Variants in CTNNA3 observed in about 807,000 individuals in gnomAD.
CTNNA3 encodes catenin alpha-3.
CTNNA3 carries 76 observed loss-of-function variants against 95.7 expected under a neutral mutation model. That is an observed-to-expected ratio of 0.79 (90% CI 0.66 to 0.96). The LOEUF is 0.96. Among genes scored for constraint, CTNNA3 ranks in the 40% least tolerant of loss-of-function variants. The probability of loss-of-function intolerance (pLI) is 0.00; values close to 1 mark genes in which losing one functional copy is unlikely to be tolerated. For missense variants in CTNNA3, 1,191 were observed against 1,089.8 expected, an observed-to-expected ratio of 1.09 and a Z score of -1.31; for synonymous variants, 431 against 374.4, an observed-to-expected ratio of 1.15 and a Z score of -1.74.
At chr10:67,332,864 T>C (rs1030000942) in intron 5 of CTNNA3, among the ~76,000 whole-genome samples, 1 of 152,164 alleles carries the variant, frequency 6.6e-6, no homozygotes, top group African/African-American at 2.4e-5. Context: ...TTCCTACCTG[T>C]AATTTAATTT....
chr10:66,912,397 G>C (rs890539241), intron 7 of CTNNA3, among the ~76,000 whole-genome samples: 3 of 151,752 alleles, frequency 2.0e-5, no homozygotes, highest in African/African-American at 7.3e-5. Flanking sequence ...ATACCAATAG[G>C]GTATAGTTTG....
At chr10:66,686,508 A>T (rs562622489) in intron 9 of CTNNA3, among the ~76,000 whole-genome samples, 2 of 152,278 alleles carry the variant, frequency 1.3e-5, no homozygotes, top group Admixed American at 1.3e-4. Context: ...GCAATAAATA[A>T]ATAAGAAGCT....
chr10:67,755,802 C>CAAA lies in CTNNA3; in HGVS notation c.-2+7629_-2+7631dup, dbSNP rs201336788. 2.1e-3 allele frequency among the ~76,000 whole-genome samples: 121 copies of CAAA among 58,670 alleles called. 2 individuals are homozygous for CAAA. Among genetic ancestry groups the CAAA allele is most frequent in the African/African-American group, 4.9e-3 (84 of 16,972 alleles). The allele number at this position is 58,670 out of a possible 152,430, so 38.5% of individuals were successfully genotyped here. A position where few individuals can be genotyped will look rare whatever the true frequency, so the allele number is the denominator to read the frequency against. On this transcript the variant is annotated intron_variant, in intron 1 of 17. Transcript: ENST00000684154. ...GGGCGACAAAAGTGAGTCTCTGCCT[C>CAAA]AAAAAAAAAAAAAAAAAAAAGAAAG...
chr10:66,423,677 A>G (rs992895659), intron 11 of CTNNA3, among the ~76,000 whole-genome samples: 5 of 152,130 alleles, frequency 3.3e-5, no homozygotes, highest in Admixed American at 1.3e-4. Flanking sequence ...CAACCCCACA[A>G]TAAACTTCTC....
At chr10:67,654,920 C>A (rs974401998) in intron 1 of CTNNA3, among the ~76,000 whole-genome samples, 4 of 152,088 alleles carry the variant, frequency 2.6e-5, no homozygotes, top group Admixed American at 6.6e-5. Flanking sequence ...ATTCAAAATT[C>A]CATTCATGAG....
At chr10:67,234,139 G>C (rs866659299) in intron 5 of CTNNA3, among the ~76,000 whole-genome samples, 44 of 152,282 alleles carry the variant, frequency 2.9e-4, no homozygotes, top group Middle Eastern at 3.4e-3. Flanking sequence ...TAGAAAAAGA[G>C]GGAATCCTCC....
chr10:67,745,636 T>A (rs2131743780), intron 1 of CTNNA3, among the ~76,000 whole-genome samples: 1 of 152,030 alleles, frequency 6.6e-6, no homozygotes, highest in African/African-American at 2.4e-5. Context: ...GCTGTGCACA[T>A]ATACCCTAAA....
At chr10:67,562,031 T>G (rs912157272) in intron 3 of CTNNA3, among the ~76,000 whole-genome samples, 1 of 152,148 alleles carries the variant, frequency 6.6e-6, no homozygotes. Context: ...CAGGACCAGA[T>G]GGATTCACAG....
rs1467888389 is a variant in CTNNA3 at position 66,612,816 on chromosome 10, G to T, written c.1374+8876C>A. On this transcript the variant is annotated intron_variant, in intron 10 of 17. Transcript: ENST00000433211. ...GTATTTTCCCAAATGTGCAAATCTT[G>T]CTTCTCCTTTAAGGCCCATGGAAAA... Among the ~76,000 whole-genome samples, 5 of 152,050 alleles carry T rather than the reference G, an allele frequency of 3.3e-5. No homozygotes were observed. In the East Asian group the frequency reaches 9.7e-4, roughly 29 times the overall value.
rs1465567861 is a variant in CTNNA3 at position 66,866,120 on chromosome 10, G to C, written c.1048-90596C>G. On this transcript the variant is annotated intron_variant, in intron 7 of 17. Coordinates refer to ENST00000433211, the MANE Select transcript of CTNNA3 (RefSeq NM_013266.4). The stretch of plus-strand genomic sequence containing the variant: ...TGAGAAAATGATGTCCTGGGAATTT[G>C]ACTGACTTCACATAGTCACAAAGCT... 8.1e-4 allele frequency among the ~76,000 whole-genome samples: 123 copies of C among 152,122 alleles called. 1 individual carries two copies. Among genetic ancestry groups the C allele is most frequent in the Non-Finnish European group, 4.4e-5 (3 of 68,030 alleles).
chr10:66,387,545 C>T (rs2092902882), intron 11 of CTNNA3, among the ~76,000 whole-genome samples: 1 of 152,058 alleles, frequency 6.6e-6, no homozygotes, highest in Admixed American at 6.6e-5. Flanking sequence ...GGCGATTCCT[C>T]AAGGATCTAG....
At chr10:66,450,786 C>A (rs1377318641) in intron 11 of CTNNA3, among the ~76,000 whole-genome samples, 2 of 152,200 alleles carry the variant, frequency 1.3e-5, no homozygotes, top group East Asian at 3.9e-4. Flanking sequence ...ATTATTTCTT[C>A]TTTTTCAAGT....
At chr10:66,651,343 C>T (rs1240141606) in intron 9 of CTNNA3, among the ~76,000 whole-genome samples, 1 of 152,112 alleles carries the variant, frequency 6.6e-6, no homozygotes, top group Admixed American at 6.5e-5. Context: ...TACAATCCTC[C>T]AGCTAGACAA....
intron 1 of CTNNA3, among the ~76,000 whole-genome samples, chr10:67,726,970 A>C (rs1477168679): frequency 1.7e-5 from 2 of 115,056 alleles, no homozygotes; most frequent in Non-Finnish European, 3.2e-5. Context: ...AATTATATAT[A>C]TAATATACGA....
chr10:66,035,402 G>T (rs2079539457), intron 15 of CTNNA3, among the ~76,000 whole-genome samples: 1 of 152,034 alleles, frequency 6.6e-6, no homozygotes, highest in African/African-American at 2.4e-5. Context: ...CTAAACAAAA[G>T]TTAACAGTAT....
chr10:66,249,824 AAAAC>A (rs1447555643), intron 13 of CTNNA3, among the ~76,000 whole-genome samples: 2 of 152,186 alleles, frequency 1.3e-5, no homozygotes, highest in African/African-American at 2.4e-5. Flanking sequence ...ACTCCATCTC[AAAAC>A]AAACAAAGAA....
chr10:66,403,627 G>C (rs964528327), intron 11 of CTNNA3, among the ~76,000 whole-genome samples: 1 of 152,112 alleles, frequency 6.6e-6, no homozygotes, highest in Non-Finnish European at 1.5e-5. Flanking sequence ...CGTAATTTGG[G>C]GGGAGACGAG....
At chr10:66,286,640 G>A (rs1238249879) in intron 12 of CTNNA3, among the ~76,000 whole-genome samples, 6 of 152,034 alleles carry the variant, frequency 3.9e-5, no homozygotes, top group African/African-American at 1.4e-4. Context: ...AAAAGGTGCA[G>A]AGGTTTAAAA....
At chr10:66,637,094 A>C (rs1318133126) in intron 9 of CTNNA3, among the ~76,000 whole-genome samples, 1 of 152,192 alleles carries the variant, frequency 6.6e-6, no homozygotes, top group Non-Finnish European at 1.5e-5. Flanking sequence ...TTGATAGAAA[A>C]CATAGAAGTT....
Sources: allele counts gnomAD v4.1 joint callset (sites outside exome capture counted in the v4.1 genomes callset), GRCh38; gene constraint gnomAD v4.1.1; transcripts MANE v1.5; gene names NCBI Gene and HGNC (gene_info 2026-07-23, HGNC 2026-07-21).